Variants in NHLRC2 observed in about 807,000 individuals in gnomAD.
NHLRC2 encodes NHL repeat containing 2.
Under a neutral mutation model 68.1 loss-of-function variants are expected in NHLRC2, and 33 were observed. The observed-to-expected ratio is 0.48, with a 90% CI of 0.37 to 0.65. NHLRC2 has a LOEUF of 0.65. Ranked by LOEUF, NHLRC2 falls within the 30% of genes least tolerant of loss-of-function variation. The pLI, the probability that NHLRC2 is intolerant of heterozygous loss-of-function variation, is 0.00. For synonymous variants in NHLRC2, 311 were observed against 309.6 expected, an observed-to-expected ratio of 1.00 and a Z score of -0.05; for missense variants, 761 against 853.8, an observed-to-expected ratio of 0.89 and a Z score of 1.35.
At position 113,884,243 on chromosome 10, in the gene NHLRC2, T is replaced by C. The variant is rs759710723; in HGVS notation, c.910-8T>C. On this transcript the variant is annotated splice_region_variant and splice_polypyrimidine_tract_variant and intron_variant, in intron 4 of 10. Coordinates refer to ENST00000369301, the MANE Select transcript of NHLRC2 (RefSeq NM_198514.4). Reference sequence around the variant, plus strand: ...CATTGCATAAAACCATCCTTTGAATTTCTATAGATTGACCTAGAAGCTGAG... The same window carrying C: ...CATTGCATAAAACCATCCTTTGAATCTCTATAGATTGACCTAGAAGCTGAG... 2 of 1,603,258 alleles carry C rather than the reference T, an allele frequency of 1.2e-6. No homozygotes were observed. Among genetic ancestry groups the C allele is most frequent in the Non-Finnish European group, 1.7e-6 (2 of 1,174,248 alleles).
At chr10:113,856,243 C>T (rs1845756925) in intron 1 of NHLRC2, among the ~76,000 whole-genome samples, 1 of 152,154 alleles carries the variant, frequency 6.6e-6, no homozygotes, top group Non-Finnish European at 1.5e-5. Context: ...ATGGTGCTGG[C>T]ATGTGTCCTG....
At chr10:113,877,795 C>G (rs1282255357) in intron 3 of NHLRC2, among the ~76,000 whole-genome samples, 1 of 152,106 alleles carries the variant, frequency 6.6e-6, no homozygotes, top group Non-Finnish European at 1.5e-5. Flanking sequence ...TAGTTGTGGT[C>G]CTATGCCCTG....
intron 8 of NHLRC2, among the ~76,000 whole-genome samples, chr10:113,903,091 TA>T (rs1315631147): frequency 6.6e-6 from 1 of 152,206 alleles, no homozygotes; most frequent in Non-Finnish European, 1.5e-5. Flanking sequence ...TGTGAGACCA[TA>T]AATTTAATAT....
At chr10:113,901,107 T>C (rs1846224106) in intron 6 of NHLRC2, among the ~76,000 whole-genome samples, 1 of 152,208 alleles carries the variant, frequency 6.6e-6, no homozygotes, top group Non-Finnish European at 1.5e-5. Flanking sequence ...CATGTAATTT[T>C]AAGATAATTA....
chr10:113,910,958 A>T lies in NHLRC2; in HGVS notation c.*2422A>T, dbSNP rs758053103. 1.3e-5 allele frequency: 2 copies of T among 152,220 alleles called. No individual in the cohort carries two copies. Among genetic ancestry groups the T allele is most frequent in the Non-Finnish European group, 2.9e-5 (2 of 68,004 alleles). 9.4% of individuals were successfully genotyped at this position (152,220 alleles called of 1,614,324 possible). A position where few individuals can be genotyped will look rare whatever the true frequency, so the allele number is the denominator to read the frequency against. Reference sequence around the variant, plus strand: ...CAATATAGATAGGTTCCTAGAATTTATGACGAGGATAAACCTCTCACATAA... The same window carrying T: ...CAATATAGATAGGTTCCTAGAATTTTTGACGAGGATAAACCTCTCACATAA... On this transcript the variant is annotated 3_prime_UTR_variant, in exon 11 of 11. Transcript: ENST00000369301.
At chr10:113,903,357 A>G (rs1846244809) in intron 8 of NHLRC2, among the ~76,000 whole-genome samples, 170 bp from the exon 9 acceptor site, 1 of 152,182 alleles carries the variant, frequency 6.6e-6, no homozygotes, top group South Asian at 2.1e-4. Flanking sequence ...TTAGACTGCA[A>G]TTTGAATGTT....
intron 3 of NHLRC2, among the ~76,000 whole-genome samples, 191 bp downstream of exon 3, chr10:113,877,167 AAAAC>A (rs1845991625): frequency 6.6e-6 from 1 of 152,140 alleles, no homozygotes. Context: ...ACTCCCTCAT[AAAAC>A]AAACAAAAAC....
At chr10:113,864,644 C>T (rs1222106045) in intron 2 of NHLRC2, among the ~76,000 whole-genome samples, 1 of 150,214 alleles carries the variant, frequency 6.7e-6, no homozygotes, top group Non-Finnish European at 1.5e-5. Flanking sequence ...TTGCAGTGAG[C>T]TGAGATTGCG....
chr10:113,902,467 A>G lies in NHLRC2; in HGVS notation c.1372-4A>G. On this transcript the variant is annotated splice_polypyrimidine_tract_variant and splice_region_variant and intron_variant, in intron 7 of 10. Transcript: ENST00000369301. ...TGTTTCTTTTCTTTTAAAAAAAATT[A>G]AAGAATTTATTTGCTTTTGGTGATG... 2 of 1,545,670 alleles carry G rather than the reference A, an allele frequency of 1.3e-6. No homozygotes were observed. Among genetic ancestry groups the G allele is most frequent in the African/African-American group, 1.4e-5 (1 of 71,740 alleles).
rs1173509331 is a variant in NHLRC2 at position 113,913,682 on chromosome 10, G to C, written c.*5146G>C. ...TTTGTTGTATTAAATATTAGTCCAA[G>C]TGAGCTCTGGAAATACAGTCTTCTG... On this transcript the variant is annotated 3_prime_UTR_variant, in exon 11 of 11. Coordinates refer to ENST00000369301, the MANE Select transcript of NHLRC2 (RefSeq NM_198514.4). 2 of 152,080 alleles carry C rather than the reference G, an allele frequency of 1.3e-5. No homozygotes were observed. The highest frequency in any genetic ancestry group is 2.9e-5 in the Non-Finnish European group (2 of 68,014). 9.4% of individuals were successfully genotyped at this position (152,080 alleles called of 1,614,324 possible).
intron 2 of NHLRC2, among the ~76,000 whole-genome samples, chr10:113,866,286 A>T (rs2134694408): frequency 6.6e-6 from 1 of 152,350 alleles, no homozygotes; most frequent in South Asian, 2.1e-4. Flanking sequence ...ATGCCCTAAG[A>T]TTGTTATTAA....
At chr10:113,882,140 C>T (rs1431627865) in intron 4 of NHLRC2, among the ~76,000 whole-genome samples, 2 of 151,648 alleles carry the variant, frequency 1.3e-5, no homozygotes, top group East Asian at 3.8e-4. Flanking sequence ...TTATTTTGGG[C>T]TGTTATGAAT....
intron 3 of NHLRC2, among the ~76,000 whole-genome samples, chr10:113,879,332 C>T (rs1041835836): frequency 1.3e-5 from 2 of 152,066 alleles, no homozygotes; most frequent in African/African-American, 2.4e-5. Context: ...AATTAGAATG[C>T]TTTTAAAATT....
intron 3 of NHLRC2, among the ~76,000 whole-genome samples, chr10:113,877,912 A>C (rs1468657005): frequency 6.6e-6 from 1 of 152,120 alleles, no homozygotes; most frequent in African/African-American, 2.4e-5. Flanking sequence ...ACGAGAATTG[A>C]ATTGTTACTC....
Position 113,905,078 on chromosome 10 carries a change from T to A in NHLRC2, c.1924+42T>A, listed in dbSNP as rs913097020. Reference sequence around the variant, plus strand: ...GCAAATACTAATACATCATATATTCTTGATGTTTAATCTAGTTATTTTTTA... The same window carrying A: ...GCAAATACTAATACATCATATATTCATGATGTTTAATCTAGTTATTTTTTA... On this transcript the variant is annotated intron_variant, in intron 10 of 10. Coordinates refer to ENST00000369301, the MANE Select transcript of NHLRC2 (RefSeq NM_198514.4). 15 of 994,052 alleles carry A rather than the reference T, an allele frequency of 1.5e-5. 1 individual carries two copies. In the Admixed American group the frequency reaches 2.9e-4, roughly 19 times the overall value. The allele number at this position is 994,052 out of a possible 1,614,324, so 61.6% of individuals were successfully genotyped here.
rs1352868421 is a variant in NHLRC2 at position 113,899,669 on chromosome 10, C to T, written c.1139+1460C>T. Among the ~76,000 whole-genome samples, 4 of 152,190 alleles carry T rather than the reference C, an allele frequency of 2.6e-5. No homozygotes were observed. In the East Asian group the frequency reaches 5.8e-4, roughly 22 times the overall value. On this transcript the variant is annotated intron_variant, in intron 6 of 10. Coordinates refer to ENST00000369301, the MANE Select transcript of NHLRC2 (RefSeq NM_198514.4). The stretch of plus-strand genomic sequence containing the variant: ...GTGCGGTGGGTCACGCCTGTAATCC[C>T]AGCACTTTGGGGGGCCGAGGCAGGC...
rs1845731675 is a variant in NHLRC2, at chr10:113,855,032, G to A, written c.160G>A (p.Val54Ile). ...KVDGWEQDLS[V>I]PEFPEGLEWL... is the part of the protein sequence containing the mutation. ...GGACGGCTGGGAGCAGGACTTGTCA[G>A]TACCCGAGTTTCCGGAAGGTGAGGG... Residue 54 changes from valine (V) to isoleucine (I), a missense_variant, in exon 1 of 11, where the codon GTA becomes ATA. Physicochemically the swap from Val to Ile is conservative, Grantham distance 29. Transcript: ENST00000369301. 5 of 1,552,620 alleles carry A rather than the reference G, an allele frequency of 3.2e-6. No individual in the cohort carries two copies. The East Asian group carries it at 1.2e-4, about 38-fold the overall frequency.
At chr10:113,858,000 C>CT (rs1845776092) in intron 1 of NHLRC2, among the ~76,000 whole-genome samples, 1 of 147,240 alleles carries the variant, frequency 6.8e-6, no homozygotes, top group African/African-American at 2.5e-5. Flanking sequence ...CCATTTGTAT[C>CT]TAATTGTTTA....
intron 2 of NHLRC2, among the ~76,000 whole-genome samples, chr10:113,864,611 C>T (rs767053326): frequency 1.3e-5 from 2 of 151,342 alleles, no homozygotes; most frequent in Middle Eastern, 3.4e-3. Context: ...GCAAGAGAAT[C>T]GCTTGAACCC....
Sources: allele counts gnomAD v4.1 joint callset (sites outside exome capture counted in the v4.1 genomes callset), GRCh38; gene constraint gnomAD v4.1.1; transcripts MANE v1.5; gene names NCBI Gene and HGNC (gene_info 2026-07-23, HGNC 2026-07-21).